Variants in PLAA observed in about 807,000 individuals in gnomAD.
PLAA encodes the protein phospholipase A2 activating protein, also known as phospholipase A-2-activating protein.
In PLAA, 48 loss-of-function variants were observed where a neutral mutation model predicts 84.1. The observed-to-expected ratio is 0.57, with a 90% CI of 0.45 to 0.73. The LOEUF is 0.73. Among genes scored for constraint, PLAA ranks in the 30% least tolerant of loss-of-function variants. The pLI, the probability that PLAA is intolerant of heterozygous loss-of-function variation, is 0.00. For synonymous variants in PLAA, 392 were observed against 336.6 expected, an observed-to-expected ratio of 1.16 and a Z score of -1.80; for missense variants, 903 against 954.7, an observed-to-expected ratio of 0.95 and a Z score of 0.71.
At chr9:26,939,128 C>T (rs1329451479) in intron 1 of PLAA, among the ~76,000 whole-genome samples, 2 of 152,298 alleles carry the variant, frequency 1.3e-5, no homozygotes, top group East Asian at 3.9e-4. Flanking sequence ...GTGGCTCACG[C>T]CTGTAATCCC....
At chr9:26,946,307 C>T (rs1277046955) in intron 1 of PLAA, among the ~76,000 whole-genome samples, 1 of 151,564 alleles carries the variant, frequency 6.6e-6, no homozygotes, top group Non-Finnish European at 1.5e-5. Flanking sequence ...CTGATAAATC[C>T]TTTGAAGGCA....
intron 6 of PLAA, among the ~76,000 whole-genome samples, chr9:26,925,601 G>C (rs1299623978): frequency 6.6e-6 from 1 of 151,552 alleles, no homozygotes; most frequent in Non-Finnish European, 1.5e-5. Context: ...TACAATACTG[G>C]TATATCATGC....
rs145061980 is a variant in PLAA at position 26,930,653 on chromosome 9, G to C, written c.344-2245C>G. Among the ~76,000 whole-genome samples, 1,467 of 151,108 alleles carry C rather than the reference G, an allele frequency of 9.7e-3. 20 individuals carry two copies. Among genetic ancestry groups the C allele is most frequent in the African/African-American group, 0.034 (1,377 of 41,086 alleles). On this transcript the variant is annotated intron_variant, in intron 2 of 13. Transcript: ENST00000397292. Reference sequence around the variant, plus strand: ...GCTGGAGTGCAATGGTGCAATCTTGGCTCACTGCAACCTCCGCTTCCGAGG... The same window carrying C: ...GCTGGAGTGCAATGGTGCAATCTTGCCTCACTGCAACCTCCGCTTCCGAGG...
Position 26,926,486 on chromosome 9 carries a change from T to C in PLAA, c.640A>G (p.Ile214Val). 6.2e-7 allele frequency: 1 copy of C among 1,613,078 alleles called. No homozygotes were observed. The part of the protein sequence containing the change: ...EFLSCANDAS[I>V]RRWQITGECL... ...TCGCCAGTGATTTGCCACCTTCTAA[T>C]ACTAGCATCATTTGCACAGGAAAGA... Residue 214 changes from isoleucine to valine, a missense_variant, in exon 5 of 14, where the codon ATT becomes GTT. Physicochemically the swap from Ile to Val is conservative, Grantham distance 29 (BLOSUM62 3). Coordinates refer to ENST00000397292, the MANE Select transcript of PLAA (RefSeq NM_001031689.3).
intron 1 of PLAA, among the ~76,000 whole-genome samples, chr9:26,942,353 A>G (rs2131428132): frequency 6.6e-6 from 1 of 152,390 alleles, no homozygotes; most frequent in Non-Finnish European, 1.5e-5. Context: ...AGAGGTAGAC[A>G]GACCAGGTCA....
intron 8 of PLAA, 61 bp downstream of exon 8, chr9:26,920,166 G>A (rs747741288): frequency 1.8e-5 from 26 of 1,427,334 alleles, no homozygotes; most frequent in Non-Finnish European, 2.4e-5. Flanking sequence ...TGGGGCAAAG[G>A]AAACCTTTAA....
chr9:26,916,097 C>T (rs1824547505), intron 10 of PLAA: 1 of 985,196 alleles, frequency 1.0e-6, no homozygotes, highest in African/African-American at 1.7e-5. Flanking sequence ...TCCATCTGGG[C>T]CATCAATAAA....
At chr9:26,923,393 A>G in intron 6 of PLAA, 46 bp from the exon 7 acceptor site, 1 of 1,322,040 alleles carries the variant, frequency 7.6e-7, no homozygotes, top group East Asian at 2.3e-5. Context: ...GCCATAATAC[A>G]TTAACATTAT....
chr9:26,934,997 G>C lies in PLAA; in HGVS notation c.343+16C>G. ...AAACTTCAAATAGAAAAACACCAAA[G>C]CATTATTATACTCACCAGTATTTTT... On this transcript the variant is annotated intron_variant, in intron 2 of 13. Transcript: ENST00000397292. The C allele has an allele frequency of 6.6e-7, 1 of 1,510,434 alleles. No individual in the cohort carries two copies. Among genetic ancestry groups the C allele is most frequent in the East Asian group, 2.4e-5 (1 of 41,088 alleles). The allele number at this position is 1,510,434 out of a possible 1,614,324, so 93.6% of individuals were successfully genotyped here. A position where few individuals can be genotyped will look rare whatever the true frequency, so the allele number is the denominator to read the frequency against.
intron 1 of PLAA, 126 bp downstream of exon 1, chr9:26,946,771 G>C: frequency 9.2e-7 from 1 of 1,084,354 alleles, no homozygotes; most frequent in South Asian, 1.7e-5. Context: ...AATTGGAAGG[G>C]AGCGGAGAGC....
At chr9:26,931,607 C>A (rs894508643) in intron 2 of PLAA, among the ~76,000 whole-genome samples, 1 of 151,974 alleles carries the variant, frequency 6.6e-6, no homozygotes, top group South Asian at 2.1e-4. Context: ...ATCTATTTAA[C>A]AGCTTACAAG....
chr9:26,939,305 G>A (rs1038477122), intron 1 of PLAA, among the ~76,000 whole-genome samples: 3 of 151,780 alleles, frequency 2.0e-5, no homozygotes, highest in Admixed American at 6.6e-5. Context: ...GGAGAATGGC[G>A]TGAACCCAAG....
chr9:26,917,262 A>G, intron 9 of PLAA, 97 bp from the exon 10 acceptor site: 1 of 931,990 alleles, frequency 1.1e-6, no homozygotes, highest in East Asian at 2.4e-5. Context: ...CATTTGGAGA[A>G]AAACAGAAGA....
At chr9:26,914,826 G>C (rs1319722094) in intron 10 of PLAA, among the ~76,000 whole-genome samples, 2 of 152,168 alleles carry the variant, frequency 1.3e-5, no homozygotes, top group Admixed American at 1.3e-4. Flanking sequence ...CCACCTGAAT[G>C]AATCACAGAT....
At chr9:26,911,476 A>G (rs1170402393) in intron 11 of PLAA, among the ~76,000 whole-genome samples, 1 of 152,062 alleles carries the variant, frequency 6.6e-6, no homozygotes, top group Non-Finnish European at 1.5e-5. Flanking sequence ...TTTAGTACAG[A>G]AGGGGTTTCA....
chr9:26,916,612 A>G, intron 10 of PLAA: 1 of 989,076 alleles, frequency 1.0e-6, no homozygotes, highest in Non-Finnish European at 1.2e-6. Flanking sequence ...ATCCAATATC[A>G]GGGCTCACAT....
At chr9:26,944,949 G>A (rs1825643135) in intron 1 of PLAA, among the ~76,000 whole-genome samples, 1 of 152,168 alleles carries the variant, frequency 6.6e-6, no homozygotes, top group East Asian at 1.9e-4. Context: ...CCAACATGGA[G>A]AAACCCCATC....
At position 26,947,012 on chromosome 9, in the gene PLAA, A is replaced by G. The variant is rs1181755050; in HGVS notation, c.34T>C (p.Cys12Arg). 6.3e-7 allele frequency: 1 copy of G among 1,592,950 alleles called. No individual in the cohort carries two copies. The highest frequency in any genetic ancestry group is 8.5e-7 in the Non-Finnish European group (1 of 1,170,552). Residue 12 changes from cysteine to arginine, a missense_variant, in exon 1 of 14, where the codon TGC becomes CGC. Physicochemically the swap from Cys to Arg is radical, Grantham distance 180 (BLOSUM62 -3). Transcript: ENST00000397292. ...TCCAGCTCGTGGCCCCGGAGCGAGC[A>G]GCTCAGCCGGTACCTGGTTGCGCCG... Reference protein sequence around the residue: ...TSGATRYRLSCSLRGHELDVR... With the variant: ...TSGATRYRLSRSLRGHELDVR...
chr9:26,941,384 C>A (rs181108505), intron 1 of PLAA, among the ~76,000 whole-genome samples: 2 of 152,156 alleles, frequency 1.3e-5, no homozygotes, highest in East Asian at 3.9e-4. Flanking sequence ...GGAAACCATA[C>A]CCTCATCCTC....
Sources: allele counts gnomAD v4.1 joint callset (sites outside exome capture counted in the v4.1 genomes callset), GRCh38; gene constraint gnomAD v4.1.1; transcripts MANE v1.5; gene names NCBI Gene and HGNC (gene_info 2026-07-23, HGNC 2026-07-21).